SNX25: variants seen among roughly 807,000 people sequenced by gnomAD.
SNX25 encodes the protein sorting nexin-25.
SNX25 carries 62 observed loss-of-function variants against 113.7 expected under a neutral mutation model. That is an observed-to-expected ratio of 0.55 (90% CI 0.44 to 0.67). The LOEUF is 0.67. Among genes scored for constraint, SNX25 ranks in the 30% least tolerant of loss-of-function variants. The probability of loss-of-function intolerance (pLI) is 0.00; values close to 1 mark genes in which losing one functional copy is unlikely to be tolerated. For missense variants in SNX25, 1,014 were observed against 1,161.0 expected (o/e 0.87, Z 1.84); for synonymous variants, 421 against 436.2 (o/e 0.97, Z 0.43).
intron 1 of SNX25, among the ~76,000 whole-genome samples, chr4:185,222,575 C>T (rs1336066022): frequency 6.6e-6 from 1 of 152,148 alleles, no homozygotes; most frequent in African/African-American, 2.4e-5. Flanking sequence ...CGGCATATAC[C>T]GCTCCTTCAC....
At chr4:185,272,509 A>T (rs1372122031) in intron 5 of SNX25, among the ~76,000 whole-genome samples, 1 of 152,144 alleles carries the variant, frequency 6.6e-6, no homozygotes, top group East Asian at 1.9e-4. Context: ...TGCTAATGAA[A>T]ATGGTTTGTT....
intron 5 of SNX25, among the ~76,000 whole-genome samples, chr4:185,276,855 A>G (rs1334079815): frequency 2.0e-5 from 3 of 152,122 alleles, no homozygotes; most frequent in Admixed American, 6.5e-5. Flanking sequence ...GAGGAAGGAA[A>G]AAAGAAAGGC....
intron 1 of SNX25, among the ~76,000 whole-genome samples, chr4:185,223,744 A>G (rs1385372185): frequency 5.5e-5 from 2 of 36,386 alleles, no homozygotes; most frequent in African/African-American, 1.4e-4. Context: ...TCGTGCCGAA[A>G]AAAAAAAAAA....
rs774562607 is a variant in SNX25 at position 185,351,461 on chromosome 4, A to G, written c.2318A>G (p.Glu773Gly). 3.1e-6 allele frequency: 5 copies of G among 1,613,882 alleles called. No individual in the cohort carries two copies. Among genetic ancestry groups the G allele is most frequent in the Non-Finnish European group, 4.2e-6 (5 of 1,179,946 alleles). The change falls in exon 14 of 19, where the codon GAA (glutamate) becomes GGA (glycine). Residue 773 changes from glutamate (E) to glycine (G), a missense_variant. Physicochemically the swap from Glu to Gly is moderately conservative, Grantham distance 98. Transcript: ENST00000652585. ...NKFLQNLLSD[E>G]RLCQSEALYA... ...CTTCCATAGAATCTGCTTTCAGATG[A>G]AAGACTGTGTCAGAGTGAAGCACTT... is the stretch of plus-strand genomic sequence containing the variant.
intron 1 of SNX25, among the ~76,000 whole-genome samples, chr4:185,233,826 C>T (rs1367794487): frequency 6.6e-6 from 1 of 151,832 alleles, no homozygotes; most frequent in African/African-American, 2.4e-5. Flanking sequence ...GAATCTAATT[C>T]TTCCAATTGA....
chr4:185,293,864 C>T (rs927539780), intron 6 of SNX25, among the ~76,000 whole-genome samples: 1 of 152,050 alleles, frequency 6.6e-6, no homozygotes, highest in African/African-American at 2.4e-5. Flanking sequence ...CAATGTAAAA[C>T]ACGATCGTTT....
chr4:185,377,372 G>C, the SNX25 span: 1 of 200,452 alleles, frequency 5.0e-6, no homozygotes, highest in Admixed American at 5.3e-5. Flanking sequence ...TGCAAAATTA[G>C]CAGGGCGTGG....
chr4:185,370,734 C>A (rs996962500), downstream of SNX25: 8 of 1,613,972 alleles, frequency 5.0e-6, no homozygotes, highest in Non-Finnish European at 6.8e-6. Flanking sequence ...CATTGCCATG[C>A]CTCTGCCGAT....
chr4:185,346,718 C>T lies in SNX25; in HGVS notation c.2301+68C>T, dbSNP rs147191517. The T allele has an allele frequency of 4.8e-4, 480 of 1,001,082 alleles. 1 individual carries two copies. In the African/African-American group the frequency reaches 7.1e-3, roughly 15 times the overall value. 62.0% of individuals were successfully genotyped at this position (1,001,082 alleles called of 1,614,324 possible). ...TATTTAGGGTTAAACTGTCATCATT[C>T]TACGAGCTTGGTAGTTTGCTTTTTG... On this transcript the variant is annotated intron_variant, in intron 13 of 18. Coordinates refer to ENST00000652585, the MANE Select transcript of SNX25 (RefSeq NM_001378034.2).
intron 6 of SNX25, among the ~76,000 whole-genome samples, chr4:185,292,329 C>A (rs907687083): frequency 2.6e-5 from 4 of 152,144 alleles, no homozygotes; most frequent in Non-Finnish European, 5.9e-5. Flanking sequence ...TGTAGTGACT[C>A]TTCCTATAAT....
chr4:185,259,851 C>A (rs1747026974), intron 3 of SNX25, among the ~76,000 whole-genome samples: 1 of 152,152 alleles, frequency 6.6e-6, no homozygotes, highest in Non-Finnish European at 1.5e-5. Context: ...CCCCTTCTGC[C>A]CTGTGATGCT....
intron 1 of SNX25, among the ~76,000 whole-genome samples, chr4:185,212,491 G>GTTTTTTT (rs61204525): frequency 6.7e-5 from 7 of 104,916 alleles, no homozygotes; most frequent in Non-Finnish European, 9.4e-5. Context: ...GTGTGTGTGT[G>GTTTTTTT]TTTTTTTTTT....
At chr4:185,320,919 T>C (rs2095114921) in intron 8 of SNX25, 55 bp downstream of exon 8, 3 of 1,456,506 alleles carry the variant, frequency 2.1e-6, no homozygotes, top group Admixed American at 2.4e-5. Context: ...AAACTTGGCA[T>C]GTGAGGCAGC....
chr4:185,278,574 G>A (rs1242983101), intron 5 of SNX25, among the ~76,000 whole-genome samples: 1 of 152,168 alleles, frequency 6.6e-6, no homozygotes, highest in Admixed American at 6.5e-5. Flanking sequence ...AATAGCAGTT[G>A]CCGGGAGAAG....
chr4:185,254,468 C>G (rs906887827), intron 2 of SNX25, among the ~76,000 whole-genome samples: 2 of 152,124 alleles, frequency 1.3e-5, no homozygotes, highest in Non-Finnish European at 2.9e-5. Flanking sequence ...ATCTCTGAAT[C>G]GCATTTCTAA....
chr4:185,353,482 C>A lies in SNX25; in HGVS notation c.2467-3C>A. 1.2e-6 allele frequency: 2 copies of A among 1,609,874 alleles called. No individual in the cohort carries two copies. The highest frequency in any genetic ancestry group is 1.7e-6 in the Non-Finnish European group (2 of 1,176,346). ...GCTTCCTATGACTTTGCTGTATTCC[C>A]AGGAGGAGACAGAGGAGGACAGTGA... On this transcript the variant is annotated splice_region_variant and splice_polypyrimidine_tract_variant and intron_variant, in intron 14 of 18. Transcript: ENST00000652585.
At chr4:185,299,793 C>G (rs993057272) in intron 6 of SNX25, among the ~76,000 whole-genome samples, 150 of 152,082 alleles carry the variant, frequency 9.9e-4, no homozygotes, top group African/African-American at 3.5e-3. Flanking sequence ...TTAAAGCTTT[C>G]TTTTTTGCTG....
chr4:185,247,407 C>A (rs1745014073), intron 2 of SNX25, 29 bp downstream of exon 2: 1 of 1,372,850 alleles, frequency 7.3e-7, no homozygotes, highest in Non-Finnish European at 1.0e-6. Flanking sequence ...TATATAATTA[C>A]CATGTAAAGC....
At position 185,320,764 on chromosome 4, in the gene SNX25, C is replaced by T. The variant is rs765732691; in HGVS notation, c.1376C>T (p.Thr459Met). Residue 459 changes from threonine (T) to methionine (M), a missense_variant, in exon 8 of 19, where the codon ACG becomes ATG. Thr to Met is a moderately conservative substitution (Grantham distance 81). Coordinates refer to ENST00000652585, the MANE Select transcript of SNX25 (RefSeq NM_001378034.2). The part of the protein sequence containing the change: ...ILQFEDILAN[T>M]FYREHFGMYM... ...CAGTTTGAAGATATCTTGGCCAATA[C>T]GTTCTACCGAGAGCACTTTGGAATG... The T allele has an allele frequency of 1.3e-5, 21 of 1,570,098 alleles. No individual in the cohort carries two copies. Among genetic ancestry groups the T allele is most frequent in the South Asian group, 1.2e-4 (10 of 82,332 alleles).
Sources: gnomAD v4.1 joint callset for allele counts (sites outside exome capture counted in the v4.1 genomes callset) on GRCh38, gnomAD v4.1.1 for gene constraint, MANE v1.5 for transcripts, NCBI Gene and HGNC (gene_info 2026-07-23, HGNC 2026-07-21) for gene names.